Variants in ADCY2 observed in about 807,000 individuals in gnomAD.
ADCY2 encodes adenylate cyclase 2, also known as adenylate cyclase type 2.
ADCY2 carries 31 observed loss-of-function variants against 125.2 expected under a neutral mutation model. The ratio of observed to expected loss-of-function variants is 0.25; its 90% CI spans 0.19 to 0.33. The LOEUF (loss-of-function observed/expected upper bound fraction) is 0.33. Among genes scored for constraint, ADCY2 ranks in the 10% least tolerant of loss-of-function variants. The pLI, the probability that ADCY2 is intolerant of heterozygous loss-of-function variation, is 1.00. For missense variants in ADCY2, 904 were observed against 1,418.2 expected (o/e 0.64, Z 5.82); for synonymous variants, 512 against 548.4 (o/e 0.93, Z 0.93).
chr5:7,723,920 CAAAAAAAAAAAAAAA>C (rs70940756), intron 12 of ADCY2, among the ~76,000 whole-genome samples: 1 of 53,728 alleles, frequency 1.9e-5, no homozygotes, highest in East Asian at 4.1e-4. Flanking sequence ...GACTCAGTCT[CAAAAAAAAAAAAAAA>C]AAAAAAAAAG....
rs576047784 is a variant in ADCY2 at position 7,742,661 on chromosome 5, C to A, written c.1872-1007C>A. On this transcript the variant is annotated intron_variant, in intron 14 of 24. Coordinates refer to ENST00000338316, the MANE Select transcript of ADCY2 (RefSeq NM_020546.3). Reference sequence around the variant, plus strand: ...ACAGCATCAGGAGCTTTACTCAGGGCACTAACTGCTCAATTTGTTTCTCTT... The same window carrying A: ...ACAGCATCAGGAGCTTTACTCAGGGAACTAACTGCTCAATTTGTTTCTCTT... 2.6e-5 allele frequency among the ~76,000 whole-genome samples: 4 copies of A among 152,318 alleles called. No homozygotes were observed. The South Asian group carries it at 8.3e-4, about 32-fold the overall frequency.
chr5:7,726,461 G>A (rs1741936005), intron 13 of ADCY2, among the ~76,000 whole-genome samples: 1 of 152,174 alleles, frequency 6.6e-6, no homozygotes, highest in South Asian at 2.1e-4. Context: ...AGCATCATAA[G>A]TATAGCCCTA....
At chr5:7,571,685 T>G (rs1223208219) in intron 3 of ADCY2, among the ~76,000 whole-genome samples, 1 of 152,182 alleles carries the variant, frequency 6.6e-6, no homozygotes, top group Non-Finnish European at 1.5e-5. Flanking sequence ...TACAAATTTG[T>G]TACATAGGTA....
At chr5:7,736,024 C>G (rs1579372677) in intron 14 of ADCY2, among the ~76,000 whole-genome samples, 1 of 152,126 alleles carries the variant, frequency 6.6e-6, no homozygotes, top group South Asian at 2.1e-4. Context: ...ATGGCAAAAC[C>G]CCTGGGCAAA....
chr5:7,682,808 A>G (rs1740385291), intron 4 of ADCY2, among the ~76,000 whole-genome samples: 1 of 152,216 alleles, frequency 6.6e-6, no homozygotes, highest in African/African-American at 2.4e-5. Flanking sequence ...TTACTTTTGC[A>G]TCCAATGAGA....
Position 7,817,507 on chromosome 5 carries a change from C to G in ADCY2, c.2998+527C>G, listed in dbSNP as rs116622386. 8.4e-3 allele frequency among the ~76,000 whole-genome samples: 1,284 copies of G among 152,230 alleles called. 21 individuals are homozygous for G. Among genetic ancestry groups the G allele is most frequent in the African/African-American group, 0.03 (1,249 of 41,540 alleles). ...GTTCAAATCCTAGAGAAAAAAAAAT[C>G]CAGCTTTCTTTATAATATTGTTAAA... is the stretch of plus-strand genomic sequence containing the variant. On this transcript the variant is annotated intron_variant, in intron 23 of 24. Transcript: ENST00000338316.
intron 3 of ADCY2, among the ~76,000 whole-genome samples, chr5:7,589,933 T>C (rs1413316531): frequency 6.6e-6 from 1 of 152,148 alleles, no homozygotes; most frequent in Non-Finnish European, 1.5e-5. Flanking sequence ...CACAGCTGAT[T>C]CCAAAAGGCC....
intron 13 of ADCY2, 49 bp downstream of exon 13, chr5:7,724,663 G>C (rs1741879033): frequency 7.4e-7 from 1 of 1,347,436 alleles, no homozygotes. Flanking sequence ...TCTGAAATTT[G>C]AATTTCTTCA....
intron 2 of ADCY2, among the ~76,000 whole-genome samples, chr5:7,450,922 AAATATTTCTG>A (rs1741448572): frequency 1.3e-5 from 2 of 152,314 alleles, no homozygotes; most frequent in South Asian, 4.2e-4. Flanking sequence ...CATGAACTTA[AAATATTTCTG>A]AATATTTTAA....
intron 3 of ADCY2, among the ~76,000 whole-genome samples, chr5:7,567,233 G>A (rs527482078): frequency 3.3e-5 from 5 of 152,154 alleles, no homozygotes; most frequent in African/African-American, 1.2e-4. Flanking sequence ...TGAATTGAGG[G>A]GCAGTAGTTC....
At chr5:7,526,578 C>T (rs1734471135) in intron 3 of ADCY2, among the ~76,000 whole-genome samples, 1 of 151,816 alleles carries the variant, frequency 6.6e-6, no homozygotes, top group African/African-American at 2.4e-5. Flanking sequence ...ATCATATATA[C>T]CCCCAAAATA....
chr5:7,538,350 C>T (rs962767929), intron 3 of ADCY2, among the ~76,000 whole-genome samples: 11 of 152,062 alleles, frequency 7.2e-5, no homozygotes, highest in African/African-American at 2.2e-4. Flanking sequence ...GTTTACTTAT[C>T]GGTAAAAGAG....
chr5:7,545,404 T>C (rs959352775), intron 3 of ADCY2, among the ~76,000 whole-genome samples: 2 of 152,056 alleles, frequency 1.3e-5, no homozygotes, highest in African/African-American at 4.8e-5. Context: ...TACTGGTGAG[T>C]GTTTGAGTGT....
At chr5:7,665,364 G>T (rs1739677411) in intron 4 of ADCY2, among the ~76,000 whole-genome samples, 2 of 152,048 alleles carry the variant, frequency 1.3e-5, no homozygotes, top group Non-Finnish European at 2.9e-5. Flanking sequence ...TCCAGCCAGG[G>T]CTGGCCTTTC....
intron 3 of ADCY2, among the ~76,000 whole-genome samples, chr5:7,535,778 T>C (rs1734793587): frequency 6.6e-6 from 1 of 152,190 alleles, no homozygotes. Flanking sequence ...CTGGGATTTC[T>C]TGTCACTGGC....
At chr5:7,505,513 CT>C (rs909418345) in intron 2 of ADCY2, among the ~76,000 whole-genome samples, 2 of 152,198 alleles carry the variant, frequency 1.3e-5, no homozygotes, top group African/African-American at 4.8e-5. Flanking sequence ...GACCATCCCC[CT>C]GATGGGTTGG....
chr5:7,569,430 G>T (rs1327089058), intron 3 of ADCY2, among the ~76,000 whole-genome samples: 1 of 152,008 alleles, frequency 6.6e-6, no homozygotes, highest in Non-Finnish European at 1.5e-5. Context: ...CCTTCATTAT[G>T]GGCACTAAAG....
chr5:7,471,555 T>G (rs889975319), intron 2 of ADCY2, among the ~76,000 whole-genome samples: 1 of 152,052 alleles, frequency 6.6e-6, no homozygotes, highest in African/African-American at 2.4e-5. Flanking sequence ...TTTTTACCTA[T>G]GCTACAAATC....
chr5:7,782,706 G>C (rs1415206607), intron 18 of ADCY2, among the ~76,000 whole-genome samples: 1 of 152,214 alleles, frequency 6.6e-6, no homozygotes, highest in Non-Finnish European at 1.5e-5. Flanking sequence ...TAGCTTCGTA[G>C]GATGTTAGCT....
Sources: allele counts gnomAD v4.1 joint callset (sites outside exome capture counted in the v4.1 genomes callset), GRCh38; gene constraint gnomAD v4.1.1; transcripts MANE v1.5; gene names NCBI Gene and HGNC (gene_info 2026-07-23, HGNC 2026-07-21).